Variants in NCAM1 observed in about 807,000 individuals in gnomAD.
NCAM1 encodes the protein neural cell adhesion molecule 1.
A neutral mutation model predicts 109.8 loss-of-function variants in NCAM1; 14 were observed. That is an observed-to-expected ratio of 0.13 (90% CI 0.08 to 0.20). The LOEUF (loss-of-function observed/expected upper bound fraction) is 0.20. NCAM1 is among the 10% of genes least tolerant of loss of function. The pLI, the probability that NCAM1 is intolerant of heterozygous loss-of-function variation, is 1.00. For missense variants in NCAM1, 774 were observed against 1,109.9 expected (o/e 0.70, Z 4.30); for synonymous variants, 418 against 442.9 (o/e 0.94, Z 0.70).
intron 1 of NCAM1, among the ~76,000 whole-genome samples, chr11:113,102,561 A>C (rs1295471580): frequency 6.6e-6 from 1 of 152,210 alleles, no homozygotes; most frequent in Non-Finnish European, 1.5e-5. Flanking sequence ...TACTGGGATT[A>C]CTGGCTCTTG....
At chr11:113,099,914 C>T (rs73568761) in intron 1 of NCAM1, among the ~76,000 whole-genome samples, 18,258 of 152,132 alleles carry the variant, frequency 0.12, 1,326 homozygotes, top group East Asian at 0.36. Flanking sequence ...TTCTCAAACT[C>T]CTGACCTCGT....
At chr11:113,205,176 GAA>G (rs1555112634) in intron 3 of NCAM1, among the ~76,000 whole-genome samples, 2 of 152,194 alleles carry the variant, frequency 1.3e-5, no homozygotes, top group Non-Finnish European at 2.9e-5. Flanking sequence ...ATTCGTTGTG[GAA>G]TGGATGTTCC....
At chr11:112,983,292 T>C (rs1352427418) in intron 1 of NCAM1, among the ~76,000 whole-genome samples, 1 of 151,986 alleles carries the variant, frequency 6.6e-6, no homozygotes, top group Non-Finnish European at 1.5e-5. Flanking sequence ...ATTGTGTAGC[T>C]CTCATGGATT....
intron 1 of NCAM1, among the ~76,000 whole-genome samples, chr11:113,113,307 A>G (rs1257887730): frequency 1.3e-5 from 2 of 151,990 alleles, no homozygotes; most frequent in South Asian, 2.1e-4. Flanking sequence ...TTTTTTTGCA[A>G]ATTAGATGAT....
At chr11:113,075,449 A>C (rs1170421082) in intron 1 of NCAM1, among the ~76,000 whole-genome samples, 5 of 152,172 alleles carry the variant, frequency 3.3e-5, no homozygotes, top group African/African-American at 1.2e-4. Context: ...TGGCATCTGG[A>C]AATGGTGTTT....
chr11:112,995,952 T>C (rs1215283612), intron 1 of NCAM1, among the ~76,000 whole-genome samples: 1 of 152,318 alleles, frequency 6.6e-6, no homozygotes, highest in East Asian at 1.9e-4. Flanking sequence ...CATTGAGTTA[T>C]CATTGAACAT....
chr11:113,145,849 C>T (rs546456509), intron 1 of NCAM1, among the ~76,000 whole-genome samples: 6 of 151,966 alleles, frequency 3.9e-5, no homozygotes, highest in South Asian at 4.2e-4. Context: ...TAACCCTCTC[C>T]GGAGGCAGTT....
intron 8 of NCAM1, among the ~76,000 whole-genome samples, chr11:113,218,570 A>C (rs1259948863): frequency 6.6e-6 from 1 of 152,202 alleles, no homozygotes; most frequent in Non-Finnish European, 1.5e-5. Flanking sequence ...TTATAAAAGA[A>C]GGGGGGAGAT....
At chr11:113,231,598 C>G in intron 9 of NCAM1, 47 bp from the exon 10 acceptor site, 2 of 1,593,732 alleles carry the variant, frequency 1.3e-6, no homozygotes, top group Non-Finnish European at 1.7e-6. Context: ...TTGCCCTTCA[C>G]CCTGCCTTGG....
intron 1 of NCAM1, among the ~76,000 whole-genome samples, chr11:113,142,763 C>T (rs1173718651): frequency 2.0e-5 from 3 of 152,124 alleles, no homozygotes; most frequent in African/African-American, 7.2e-5. Context: ...GCTTTCTGTT[C>T]TCTGGCGGGT....
Position 113,138,980 on chromosome 11 carries a change from T to C in NCAM1, c.53-63399T>C, listed in dbSNP as rs956552986. 9.2e-5 allele frequency among the ~76,000 whole-genome samples: 14 copies of C among 152,210 alleles called. 1 individual carries two copies. Among genetic ancestry groups the C allele is most frequent in the African/African-American group, 2.9e-4 (12 of 41,468 alleles). ...TAGGTCGATGAGGTTGATTCTGATA[T>C]GGAGGCAAATTGCCAATGCCTATCT... is the stretch of plus-strand genomic sequence containing the variant. On this transcript the variant is annotated intron_variant, in intron 1 of 19. Transcript: ENST00000316851.
intron 15 of NCAM1, among the ~76,000 whole-genome samples, chr11:113,251,305 C>G (rs1453002363): frequency 2.6e-5 from 4 of 152,184 alleles, no homozygotes; most frequent in Admixed American, 2.0e-4. Context: ...TTTCTAACTC[C>G]TGGGGCTTCT....
At chr11:113,132,434 G>A (rs1315599951) in intron 1 of NCAM1, among the ~76,000 whole-genome samples, 1 of 150,496 alleles carries the variant, frequency 6.6e-6, no homozygotes, top group Non-Finnish European at 1.5e-5. Flanking sequence ...GATAATGTGT[G>A]TTCCTTAATG....
At chr11:113,272,309 C>T (rs577269538) in intron 19 of NCAM1, among the ~76,000 whole-genome samples, 7 of 151,988 alleles carry the variant, frequency 4.6e-5, no homozygotes, top group East Asian at 1.9e-4. Context: ...TCAGAAACCT[C>T]GGGGACCCAC....
At chr11:113,134,328 T>C (rs1555098988) in intron 1 of NCAM1, among the ~76,000 whole-genome samples, 1 of 152,196 alleles carries the variant, frequency 6.6e-6, no homozygotes, top group African/African-American at 2.4e-5. Flanking sequence ...TTTCGTTTTT[T>C]AAGTCTGAAT....
At chr11:113,137,859 G>A (rs1380291561) in intron 1 of NCAM1, among the ~76,000 whole-genome samples, 1 of 152,110 alleles carries the variant, frequency 6.6e-6, no homozygotes, top group Non-Finnish European at 1.5e-5. Flanking sequence ...AGTCGTGTTC[G>A]GAAATCATTC....
At chr11:113,172,464 T>C (rs1555106404) in intron 1 of NCAM1, among the ~76,000 whole-genome samples, 1 of 152,246 alleles carries the variant, frequency 6.6e-6, no homozygotes, top group Non-Finnish European at 1.5e-5. Flanking sequence ...ATTCCGTAAG[T>C]ACTCCTTGGC....
At chr11:113,210,314 A>T (rs1473408251) in intron 7 of NCAM1, among the ~76,000 whole-genome samples, 3 of 152,116 alleles carry the variant, frequency 2.0e-5, no homozygotes, top group African/African-American at 7.2e-5. Flanking sequence ...TGTAGATTTT[A>T]TTATTATCCC....
Position 112,961,560 on chromosome 11 carries a change from G to T in NCAM1, c.-53G>T, listed in dbSNP as rs371422820. On this transcript the variant is annotated 5_prime_UTR_variant, in exon 1 of 20. Coordinates refer to ENST00000316851, the MANE Select transcript of NCAM1 (RefSeq NM_181351.5). ...CGCCGTCCACACTCGCTGCAGGGGG[G>T]GGGGCACAGAATTTACCGCGGCAAG... 260 of 1,144,774 alleles carry T rather than the reference G, an allele frequency of 2.3e-4. 1 individual carries two copies. The highest frequency in any genetic ancestry group is 9.1e-4 in the African/African-American group (60 of 65,668). The allele number at this position is 1,144,774 out of a possible 1,614,324, so 70.9% of individuals were successfully genotyped here.
Sources: gnomAD v4.1 joint callset for allele counts (sites outside exome capture counted in the v4.1 genomes callset) on GRCh38, gnomAD v4.1.1 for gene constraint, MANE v1.5 for transcripts, NCBI Gene and HGNC (gene_info 2026-07-23, HGNC 2026-07-21) for gene names.